LYSMD2: variants seen among roughly 807,000 people sequenced by gnomAD.
LYSMD2 encodes the protein LysM domain containing 2.
In LYSMD2, 6 loss-of-function variants were observed where a neutral mutation model predicts 17.7. The ratio of observed to expected loss-of-function variants is 0.34; its 90% CI spans 0.19 to 0.67. The LOEUF (loss-of-function observed/expected upper bound fraction) is 0.67, where lower values mean the gene tolerates loss of function less well. Among genes scored for constraint, LYSMD2 ranks in the 30% least tolerant of loss-of-function variants. LYSMD2 has a pLI of 0.69. For missense variants in LYSMD2, 237 were observed against 286.7 expected (o/e 0.83, Z 1.25); for synonymous variants, 102 against 129.8 (o/e 0.79, Z 1.45).
chr15:51,746,404 T>A (rs1026591213), intron 1 of LYSMD2, among the ~76,000 whole-genome samples: 2 of 152,106 alleles, frequency 1.3e-5, no homozygotes, highest in Admixed American at 1.3e-4. Flanking sequence ...AATAAGCAAA[T>A]CTAGAGAAGA....
At chr15:51,726,965 T>C (rs1204241306) in intron 1 of LYSMD2, among the ~76,000 whole-genome samples, 2 of 152,164 alleles carry the variant, frequency 1.3e-5, no homozygotes, top group Non-Finnish European at 2.9e-5. Flanking sequence ...GAGTACACTA[T>C]TAATTCTTTG....
chr15:51,726,449 C>A (rs1009423977), intron 1 of LYSMD2, among the ~76,000 whole-genome samples: 1 of 152,230 alleles, frequency 6.6e-6, no homozygotes, highest in Admixed American at 6.5e-5. Flanking sequence ...AAGCCCTCCC[C>A]TGGCTCCAGA....
At chr15:51,723,954 AT>A (rs113987532) in intron 2 of LYSMD2, among the ~76,000 whole-genome samples, 6,519 of 151,880 alleles carry the variant, frequency 0.043, 173 homozygotes, top group African/African-American at 0.051. Flanking sequence ...TATGTTTTCT[AT>A]ATTCTACCTC....
At chr15:51,746,738 C>T (rs529056127) in intron 1 of LYSMD2, among the ~76,000 whole-genome samples, 2 of 152,196 alleles carry the variant, frequency 1.3e-5, no homozygotes, top group South Asian at 4.2e-4. Context: ...CCCACCCCAC[C>T]ACTCTACCCC....
chr15:51,726,767 T>C (rs1449494555), intron 1 of LYSMD2, among the ~76,000 whole-genome samples: 2 of 152,186 alleles, frequency 1.3e-5, no homozygotes, highest in African/African-American at 4.8e-5. Flanking sequence ...GTTTTTTGTT[T>C]AGGCCAATTT....
At chr15:51,747,115 G>T (rs944202365) in intron 1 of LYSMD2, among the ~76,000 whole-genome samples, 1 of 151,702 alleles carries the variant, frequency 6.6e-6, no homozygotes, top group Non-Finnish European at 1.5e-5. Flanking sequence ...CATGAGAATT[G>T]CTTGAACCCG....
At chr15:51,732,062 T>C (rs1209713619) in intron 1 of LYSMD2, among the ~76,000 whole-genome samples, 7 of 152,186 alleles carry the variant, frequency 4.6e-5, no homozygotes, top group Admixed American at 3.9e-4. Context: ...TAAACTTATA[T>C]GTCATTCCAT....
At chr15:51,747,017 TAA>T (rs1050919768) in intron 1 of LYSMD2, among the ~76,000 whole-genome samples, 9 of 65,786 alleles carry the variant, frequency 1.4e-4, no homozygotes, top group Admixed American at 5.8e-4. Flanking sequence ...CTGTCTCTAC[TAA>T]AAAAAAAAAA....
At chr15:51,736,878 AG>A (rs1031448198) in intron 1 of LYSMD2, among the ~76,000 whole-genome samples, 5 of 152,248 alleles carry the variant, frequency 3.3e-5, no homozygotes, top group Admixed American at 2.6e-4. Context: ...ACCACCCAGT[AG>A]GAACAACTGC....
chr15:51,741,374 G>A (rs2055641866), upstream of LYSMD2, among the ~76,000 whole-genome samples: 1 of 152,160 alleles, frequency 6.6e-6, no homozygotes, highest in Non-Finnish European at 1.5e-5. Flanking sequence ...ATTGATTAAA[G>A]ACATAATTGG....
intron 1 of LYSMD2, among the ~76,000 whole-genome samples, chr15:51,733,592 T>C (rs2055590216): frequency 6.6e-6 from 1 of 152,040 alleles, no homozygotes; most frequent in Admixed American, 6.6e-5. Flanking sequence ...TTGAAGGCAA[T>C]GAGGGAACAA....
chr15:51,723,463 AC>A lies in LYSMD2; in HGVS notation c.*143del. ...AGAGGGAACTAATCACTTCAGTGCAACTGCAGCAGGTAGAACTACCTAGTTA... is the reference window on the plus strand; with the variant it reads ...AGAGGGAACTAATCACTTCAGTGCAATGCAGCAGGTAGAACTACCTAGTTA... On this transcript the variant is annotated 3_prime_UTR_variant, in exon 3 of 3. Coordinates refer to ENST00000267838, the MANE Select transcript of LYSMD2 (RefSeq NM_153374.3). 1.5e-6 allele frequency: 1 copy of A among 654,088 alleles called. No homozygotes were observed. The highest frequency in any genetic ancestry group is 1.8e-5 in the African/African-American group (1 of 54,252). 40.5% of individuals were successfully genotyped at this position (654,088 alleles called of 1,614,324 possible). A position where few individuals can be genotyped will look rare whatever the true frequency, so the allele number is the denominator to read the frequency against.
chr15:51,747,149 G>A (rs959255613), intron 1 of LYSMD2, among the ~76,000 whole-genome samples: 1 of 151,522 alleles, frequency 6.6e-6, no homozygotes, highest in Admixed American at 6.6e-5. Flanking sequence ...GCAGTGAGCC[G>A]AGATCACGCC....
At chr15:51,749,256 G>C (rs1315282195) in intron 1 of LYSMD2, among the ~76,000 whole-genome samples, 1 of 152,182 alleles carries the variant, frequency 6.6e-6, no homozygotes, top group African/African-American at 2.4e-5. Context: ...GACTGGAACT[G>C]GTAATATCTT....
intron 1 of LYSMD2, among the ~76,000 whole-genome samples, chr15:51,747,624 T>C (rs931197531): frequency 1.3e-5 from 2 of 152,374 alleles, no homozygotes; most frequent in African/African-American, 4.8e-5. Context: ...ACATTACATT[T>C]TGTTATTTGT....
At chr15:51,724,698 G>A in intron 2 of LYSMD2, 92 bp downstream of exon 2, 4 of 720,986 alleles carry the variant, frequency 5.5e-6, no homozygotes, top group Non-Finnish European at 6.1e-6. Context: ...AAAAGAAAAG[G>A]CAAAGAAAAG....
intron 1 of LYSMD2, among the ~76,000 whole-genome samples, chr15:51,746,745 C>G (rs1026222922): frequency 6.6e-6 from 1 of 152,116 alleles, no homozygotes; most frequent in Non-Finnish European, 1.5e-5. Context: ...CACCACTCTA[C>G]CCCGTCTCCC....
intron 1 of LYSMD2, among the ~76,000 whole-genome samples, chr15:51,727,775 GT>G (rs2055549553): frequency 5.3e-5 from 8 of 152,192 alleles, no homozygotes; most frequent in African/African-American, 1.9e-4. Flanking sequence ...GCTTCCTAAA[GT>G]CAGGGGCTCC....
rs558777883 is a variant in LYSMD2 at position 51,750,415 on chromosome 15, A to T, written c.-1+856T>A. Among the ~76,000 whole-genome samples the T allele has an allele frequency of 4.6e-5, 7 of 152,240 alleles. No individual in the cohort carries two copies. In the East Asian group the frequency reaches 1.3e-3, roughly 29 times the overall value. ...ATAAAGCTGTTTCACCTCTTTTCACATTTTGCCTAAAATTTCATATAGAGA... is the reference window on the plus strand; with the variant it reads ...ATAAAGCTGTTTCACCTCTTTTCACTTTTTGCCTAAAATTTCATATAGAGA... On this transcript the variant is annotated intron_variant, in intron 1 of 2. Coordinates refer to the LYSMD2 transcript ENST00000454181.
Sources: gnomAD v4.1 joint callset for allele counts (sites outside exome capture counted in the v4.1 genomes callset) on GRCh38, gnomAD v4.1.1 for gene constraint, MANE v1.5 for transcripts, NCBI Gene and HGNC (gene_info 2026-07-23, HGNC 2026-07-21) for gene names.